Variants in ABCC4 observed in about 807,000 individuals in gnomAD.
The protein encoded by ABCC4 is ATP binding cassette subfamily C member 4 (PEL blood group), also known as ATP-binding cassette sub-family C member 4.
In ABCC4, 102 loss-of-function variants were observed where a neutral mutation model predicts 168.5. The observed-to-expected ratio is 0.61, with a 90% CI of 0.52 to 0.71. The LOEUF (loss-of-function observed/expected upper bound fraction) is 0.71. ABCC4 is among the 30% of genes least tolerant of loss of function. ABCC4 has a pLI of 0.00. For missense variants in ABCC4, 1,402 were observed against 1,605.8 expected, an observed-to-expected ratio of 0.87 and a Z score of 2.17; for synonymous variants, 617 against 590.7, an observed-to-expected ratio of 1.04 and a Z score of -0.65.
chr13:95,048,643 G>A (rs753133175), intron 27 of ABCC4, among the ~76,000 whole-genome samples: 2 of 152,216 alleles, frequency 1.3e-5, no homozygotes, highest in African/African-American at 2.4e-5. Context: ...AGAGGATGTG[G>A]ACACTGCTGA....
rs148020898 is a variant in ABCC4, at chr13:95,043,721, T to A, written c.3696A>T (p.Ala1232=). 12 of 1,614,042 alleles carry A rather than the reference T, an allele frequency of 7.4e-6. No homozygotes were observed. In the African/African-American group the frequency reaches 1.5e-4, roughly 20 times the overall value. Residue 1232 remains alanine (A), a synonymous_variant, in exon 29 of 31, where the codon GCA becomes GCT. Transcript: ENST00000645237. ...TGTCAATAATGGTGTTCAATCTGTG[T>A]GCAATGGTTAGCACGGTGCAGTGGG... The part of the protein sequence containing the change: ...KFAHCTVLTI[A]HRLNTIIDSD...
Position 95,242,492 on chromosome 13 carries a change from C to T in ABCC4, c.306+4483G>A, listed in dbSNP as rs567142816. Among the ~76,000 whole-genome samples the T allele has an allele frequency of 3.6e-4, 54 of 152,102 alleles. 1 individual carries two copies. The highest frequency in any genetic ancestry group is 1.8e-3 in the Admixed American group (27 of 15,278). On this transcript the variant is annotated intron_variant, in intron 3 of 30. Transcript: ENST00000645237. ...CCGCCCGCCTTGGCCTCCCAAAGTGCTGGGATTACAGGCGTGAGCCACTGC... is the reference window on the plus strand; with the variant it reads ...CCGCCCGCCTTGGCCTCCCAAAGTGTTGGGATTACAGGCGTGAGCCACTGC...
intron 29 of ABCC4, 26 bp from the exon 30 acceptor site, chr13:95,034,765 T>C (rs1373522126): frequency 9.9e-6 from 16 of 1,613,588 alleles, no homozygotes; most frequent in Non-Finnish European, 1.3e-5. Flanking sequence ...AAGAAACCCA[T>C]TGAAACACAA....
At position 95,166,317 on chromosome 13, in the gene ABCC4, T is replaced by C. The variant is rs11568699; in HGVS notation, c.1875A>G (p.Ile625Met). 157 of 1,613,800 alleles carry C rather than the reference T, an allele frequency of 9.7e-5. No individual in the cohort carries two copies. In the African/African-American group the frequency reaches 1.9e-3, roughly 20 times the overall value. ...CCTTCTTTAAAAGGGAGCCAAAATC[T>C]ATACCAGATTTTAGGAACTCAGTGT... ...GTYTEFLKSG[I>M]DFGSLLKKDN... Residue 625 changes from isoleucine to methionine, a missense_variant, in exon 15 of 31, where the codon ATA becomes ATG. By Grantham distance (10) the Ile-to-Met change is conservative. Transcript: ENST00000645237.
At chr13:95,251,190 C>T (rs1413280837) in intron 1 of ABCC4, among the ~76,000 whole-genome samples, 1 of 152,134 alleles carries the variant, frequency 6.6e-6, no homozygotes, top group African/African-American at 2.4e-5. Context: ...CTTCATGTTC[C>T]CCATAGCCAC....
chr13:95,065,903 T>C (rs569657097), intron 25 of ABCC4, among the ~76,000 whole-genome samples: 5 of 152,332 alleles, frequency 3.3e-5, no homozygotes, highest in African/African-American at 1.2e-4. Flanking sequence ...ATAAAATCAA[T>C]TGGCTTCAGG....
chr13:95,105,376 G>T (rs902112975), intron 20 of ABCC4, among the ~76,000 whole-genome samples: 1 of 152,022 alleles, frequency 6.6e-6, no homozygotes, highest in Admixed American at 6.6e-5. Flanking sequence ...TGTGGCCCAG[G>T]GGTTGGGGAC....
At chr13:95,207,354 G>C (rs2038812133) in intron 7 of ABCC4, among the ~76,000 whole-genome samples, 1 of 152,170 alleles carries the variant, frequency 6.6e-6, no homozygotes, top group African/African-American at 2.4e-5. Flanking sequence ...ATAAAACAAA[G>C]CACAACTAAC....
chr13:95,117,628 A>T (rs1457071498), intron 19 of ABCC4, among the ~76,000 whole-genome samples: 1 of 152,194 alleles, frequency 6.6e-6, no homozygotes, highest in African/African-American at 2.4e-5. Context: ...CAGTGTATCA[A>T]TACCAATAAA....
At chr13:95,256,027 TA>T (rs1445726937) in intron 1 of ABCC4, among the ~76,000 whole-genome samples, 1 of 152,146 alleles carries the variant, frequency 6.6e-6, no homozygotes, top group Non-Finnish European at 1.5e-5. Context: ...TCTTCTTCCT[TA>T]AAAAAAGATG....
chr13:95,139,832 G>A (rs921212538), intron 19 of ABCC4, among the ~76,000 whole-genome samples: 1 of 152,174 alleles, frequency 6.6e-6, no homozygotes, highest in Non-Finnish European at 1.5e-5. Flanking sequence ...ACAAACTCCA[G>A]TGCTAAAAGT....
intron 1 of ABCC4, among the ~76,000 whole-genome samples, chr13:95,270,353 A>G (rs1290336632): frequency 7.8e-6 from 1 of 128,316 alleles, no homozygotes; most frequent in Non-Finnish European, 1.6e-5. Context: ...AAAAAAAAAA[A>G]AAAAGAAAGA....
intron 19 of ABCC4, among the ~76,000 whole-genome samples, chr13:95,151,477 G>GAAA (rs1263337005): frequency 0.049 from 4,007 of 81,740 alleles, 162 homozygotes; most frequent in South Asian, 0.17. Flanking sequence ...TCTGTCTCAA[G>GAAA]AAAAAAAAAA....
At chr13:95,262,422 C>A (rs1201288626) in intron 1 of ABCC4, among the ~76,000 whole-genome samples, 1 of 152,116 alleles carries the variant, frequency 6.6e-6, no homozygotes, top group Non-Finnish European at 1.5e-5. Flanking sequence ...TAAATAGATA[C>A]CTAAATAAAG....
rs1208534249 is a variant in ABCC4 at position 95,062,811 on chromosome 13, C to T, written c.3259G>A (p.Ala1087Thr). 6.2e-7 allele frequency: 1 copy of T among 1,613,136 alleles called. No individual in the cohort carries two copies. Among genetic ancestry groups the T allele is most frequent in the Non-Finnish European group, 8.5e-7 (1 of 1,179,890 alleles). ...TCGGGTTCTGACAATCTAAAAAGGG[C>T]TGAGATGAGGGAACTTTTTCCAGCT... ...TGAGKSSLIS[A>T]LFRLSEPEGK... The change falls in exon 26 of 31, where the codon GCC (alanine) becomes ACC (threonine). Residue 1087 changes from alanine to threonine, a missense_variant. Ala to Thr is a moderately conservative substitution (Grantham distance 58). Around this residue, in one of 3 missense-constraint regions of ABCC4, gnomAD observed 1,007 missense variants for 1,127.3 expected, o/e 0.89. Transcript: ENST00000645237.
chr13:95,196,770 C>A (rs1451653726), intron 8 of ABCC4, among the ~76,000 whole-genome samples: 2 of 151,384 alleles, frequency 1.3e-5, no homozygotes, highest in Non-Finnish European at 2.9e-5. Context: ...AGAAAAAAGA[C>A]CAGACCCAAT....
At chr13:95,064,242 CCGGGTGTG>C (rs1330041687) in intron 25 of ABCC4, among the ~76,000 whole-genome samples, 26 of 27,738 alleles carry the variant, frequency 9.4e-4, no homozygotes, top group East Asian at 7.3e-3. Context: ...ATAGGTACAT[CCGGGTGTG>C]TGTGTGTGTG....
intron 30 of ABCC4, among the ~76,000 whole-genome samples, chr13:95,028,155 C>G (rs1218346655): frequency 1.3e-5 from 2 of 151,970 alleles, no homozygotes; most frequent in Non-Finnish European, 2.9e-5. Context: ...ATCAAAGTTA[C>G]CAAAACAAAA....
chr13:95,265,735 G>A (rs1260979704), intron 1 of ABCC4, among the ~76,000 whole-genome samples: 1 of 152,164 alleles, frequency 6.6e-6, no homozygotes, highest in African/African-American at 2.4e-5. Context: ...GGCACCTGTG[G>A]GCGTGTGTGT....
Sources: allele counts gnomAD v4.1 joint callset (sites outside exome capture counted in the v4.1 genomes callset), GRCh38; gene constraint gnomAD v4.1.1; regional missense constraint gnomAD v4.1.1; transcripts MANE v1.5; gene names NCBI Gene and HGNC (gene_info 2026-07-23, HGNC 2026-07-21).